CCDC91: variants seen among roughly 807,000 people sequenced by gnomAD.
CCDC91 encodes the protein coiled-coil domain-containing protein 91.
Under a neutral mutation model 63.2 loss-of-function variants are expected in CCDC91, and 48 were observed. The observed-to-expected ratio is 0.76, with a 90% confidence interval of 0.60 to 0.97. The LOEUF (loss-of-function observed/expected upper bound fraction) is 0.97, where lower values mean the gene tolerates loss of function less well. CCDC91 is among the 50% of genes least tolerant of loss of function. The pLI is 0.00. For missense variants in CCDC91, 500 were observed against 494.6 expected, an observed-to-expected ratio of 1.01 and a Z score of -0.10; for synonymous variants, 167 against 165.8, an observed-to-expected ratio of 1.01 and a Z score of -0.06.
At chr12:28,437,083 T>C (rs1196782225) in intron 8 of CCDC91, among the ~76,000 whole-genome samples, 1 of 151,886 alleles carries the variant, frequency 6.6e-6, no homozygotes, top group African/African-American at 2.4e-5. Context: ...ATACTTCATG[T>C]TTTAGATTGT....
chr12:28,379,098 A>G (rs561983657), intron 7 of CCDC91, among the ~76,000 whole-genome samples: 2 of 152,188 alleles, frequency 1.3e-5, no homozygotes, highest in South Asian at 4.1e-4. Flanking sequence ...CCTTCATTCT[A>G]TTTTAGGAAT....
At chr12:28,505,279 C>G (rs1468935789) in intron 12 of CCDC91, 1 of 151,762 alleles carries the variant, frequency 6.6e-6, no homozygotes, top group African/African-American at 2.4e-5. Context: ...CACTGAAATC[C>G]CATCTTACTG....
At chr12:28,283,887 C>T (rs1397014286) in intron 3 of CCDC91, among the ~76,000 whole-genome samples, 3 of 152,006 alleles carry the variant, frequency 2.0e-5, no homozygotes, top group East Asian at 3.9e-4. Flanking sequence ...TTTTAGATTT[C>T]AGGGTTTTGG....
chr12:28,209,182 A>G (rs1591990065), intron 1 of CCDC91, among the ~76,000 whole-genome samples: 1 of 152,186 alleles, frequency 6.6e-6, no homozygotes, highest in South Asian at 2.1e-4. Context: ...GTCTACTATT[A>G]ATGTCAATCC....
intron 12 of CCDC91, among the ~76,000 whole-genome samples, chr12:28,496,018 G>A (rs372222530): frequency 1.3e-5 from 2 of 151,548 alleles, no homozygotes; most frequent in East Asian, 3.9e-4. Context: ...AGGTTATATT[G>A]TCTTCAACCA....
At chr12:28,362,163 C>T (rs1020485948) in intron 6 of CCDC91, among the ~76,000 whole-genome samples, 1 of 151,976 alleles carries the variant, frequency 6.6e-6, no homozygotes, top group Non-Finnish European at 1.5e-5. Flanking sequence ...GCAGATGCCC[C>T]AAGGGAAAGT....
chr12:28,341,437 C>A (rs1306704902), intron 6 of CCDC91, among the ~76,000 whole-genome samples: 1 of 152,146 alleles, frequency 6.6e-6, no homozygotes, highest in Non-Finnish European at 1.5e-5. Flanking sequence ...GCTCCCTGTT[C>A]CACATTTAAG....
intron 7 of CCDC91, among the ~76,000 whole-genome samples, chr12:28,390,939 T>C (rs11049571): frequency 1.4e-3 from 127 of 89,210 alleles, no homozygotes; most frequent in Non-Finnish European, 2.3e-3. Flanking sequence ...TTTTTCTTTC[T>C]TTTTTTTTTT....
intron 6 of CCDC91, among the ~76,000 whole-genome samples, chr12:28,328,804 CT>C (rs1397284499): frequency 8.0e-5 from 12 of 150,680 alleles, no homozygotes; most frequent in African/African-American, 2.9e-4. Flanking sequence ...ATTTTTTTTT[CT>C]TTTTAACTCC....
chr12:28,435,922 T>G (rs1948880416), intron 8 of CCDC91, among the ~76,000 whole-genome samples: 1 of 151,820 alleles, frequency 6.6e-6, no homozygotes, highest in Non-Finnish European at 1.5e-5. Context: ...ATAGCTAGTC[T>G]GTCTTTCTTT....
chr12:28,425,384 C>A (rs1191869495), intron 8 of CCDC91, among the ~76,000 whole-genome samples: 1 of 152,080 alleles, frequency 6.6e-6, no homozygotes, highest in Non-Finnish European at 1.5e-5. Context: ...GTACTTTCTA[C>A]TCCTAGCCCT....
Position 28,480,920 on chromosome 12 carries a change from T to A in CCDC91, c.1102-3132T>A, listed in dbSNP as rs1193580659. ...ATCCTGTGATTACTGAAATGTATAG[T>A]AGATTTAATGGATGCTAAAGCATAA... On this transcript the variant is annotated intron_variant, in intron 11 of 12. Transcript: ENST00000536442. Among the ~76,000 whole-genome samples the A allele has an allele frequency of 6.5e-4, 99 of 152,024 alleles. 3 individuals carry two copies. Among genetic ancestry groups the A allele is most frequent in the Non-Finnish European group, 4.4e-5 (3 of 67,966 alleles).
intron 10 of CCDC91, among the ~76,000 whole-genome samples, chr12:28,450,676 C>T (rs1949761278): frequency 6.6e-6 from 1 of 151,686 alleles, no homozygotes; most frequent in Non-Finnish European, 1.5e-5. Context: ...TGTTGCAACA[C>T]TAATATCCAC....
At chr12:28,337,818 AT>A (rs1164275262) in intron 6 of CCDC91, among the ~76,000 whole-genome samples, 2 of 151,974 alleles carry the variant, frequency 1.3e-5, no homozygotes, top group African/African-American at 4.8e-5. Flanking sequence ...CTCTATTCCC[AT>A]TTTTTGAACA....
At chr12:28,427,720 A>C (rs1948403860) in intron 8 of CCDC91, among the ~76,000 whole-genome samples, 1 of 152,210 alleles carries the variant, frequency 6.6e-6, no homozygotes, top group African/African-American at 2.4e-5. Context: ...GTGACAGTTC[A>C]GATGGATATA....
chr12:28,391,855 T>G (rs1175122235), intron 8 of CCDC91, among the ~76,000 whole-genome samples: 1 of 152,310 alleles, frequency 6.6e-6, no homozygotes, highest in East Asian at 1.9e-4. Context: ...ATTTAATATC[T>G]TAGCTTAAAT....
chr12:28,546,495 A>G (rs1942997144), intron 12 of CCDC91, among the ~76,000 whole-genome samples: 1 of 152,086 alleles, frequency 6.6e-6, no homozygotes, highest in Non-Finnish European at 1.5e-5. Context: ...GTTCCTGCAT[A>G]TATGGAAAGC....
intron 1 of CCDC91, chr12:28,256,607 A>T (rs535810456): frequency 1.3e-5 from 2 of 152,402 alleles, no homozygotes; most frequent in Non-Finnish European, 1.5e-5. Flanking sequence ...CTCATCTCCC[A>T]TGAATACATG....
chr12:28,190,912 T>G (rs935438059), intron 1 of CCDC91, among the ~76,000 whole-genome samples: 1 of 152,186 alleles, frequency 6.6e-6, no homozygotes, highest in Non-Finnish European at 1.5e-5. Context: ...CAGAATCGAG[T>G]GTTTTCGAAA....
Sources: allele counts gnomAD v4.1 joint callset (sites outside exome capture counted in the v4.1 genomes callset), GRCh38; gene constraint gnomAD v4.1.1; transcripts MANE v1.5; gene names NCBI Gene and HGNC (gene_info 2026-07-23, HGNC 2026-07-21).